Variants in AHNAK2 observed in about 807,000 individuals in gnomAD.
AHNAK2 encodes the protein protein AHNAK2.
AHNAK2 carries 18 observed loss-of-function variants against 30.7 expected under a neutral mutation model. The observed-to-expected ratio is 0.59, with a 90% CI of 0.41 to 0.87. The LOEUF is 0.87. Among genes scored for constraint, AHNAK2 ranks in the 40% least tolerant of loss-of-function variants. AHNAK2 has a pLI of 0.00. For missense variants in AHNAK2, 8,604 were observed against 7,373.0 expected, an observed-to-expected ratio of 1.17 and a Z score of -6.11; for synonymous variants, 3,590 against 3,073.8, an observed-to-expected ratio of 1.17 and a Z score of -5.56.
chr14:104,945,244 T>G lies in AHNAK2; in HGVS notation c.10207A>C (p.Lys3403Gln). 1 of 1,612,758 alleles carries G rather than the reference T, an allele frequency of 6.2e-7. No individual in the cohort carries two copies. The highest frequency in any genetic ancestry group is 1.7e-5 in the Admixed American group (1 of 59,914). The change falls in exon 7 of 7, where the codon AAA becomes CAA. Residue 3403 changes from lysine to glutamine, a missense_variant. By Grantham distance (53) the Lys-to-Gln change is moderately conservative (BLOSUM62 1). Coordinates refer to ENST00000333244, the MANE Select transcript of AHNAK2 (RefSeq NM_138420.4). ...KVEMPSFKMP[K>Q]VDLKSPQVDI... ...ACCTGGGGGCTCTTGAGGTCCACTTTGGGCATCTTGAAACTGGGCATCTCC... is the reference window on the plus strand; with the variant it reads ...ACCTGGGGGCTCTTGAGGTCCACTTGGGGCATCTTGAAACTGGGCATCTCC...
rs1424551536 is a variant in AHNAK2, at chr14:104,957,686, G to A, written c.56-14C>T. ...GACGGCCGGACACTGCAGAGAGAGT[G>A]GCTGTCAGTGGAGACAAGCAGGCTG... is the stretch of plus-strand genomic sequence containing the variant. On this transcript the variant is annotated splice_polypyrimidine_tract_variant and intron_variant, in intron 1 of 6. Coordinates refer to ENST00000333244, the MANE Select transcript of AHNAK2 (RefSeq NM_138420.4). 1 of 1,606,270 alleles carries A rather than the reference G, an allele frequency of 6.2e-7. No homozygotes were observed. Among genetic ancestry groups the A allele is most frequent in the Non-Finnish European group, 8.5e-7 (1 of 1,177,162 alleles).
chr14:104,938,175 T>C lies in AHNAK2; in HGVS notation c.17276A>G (p.Asp5759Gly). 1 of 1,613,864 alleles carries C rather than the reference T, an allele frequency of 6.2e-7. No homozygotes were observed. The highest frequency in any genetic ancestry group is 8.5e-7 in the Non-Finnish European group (1 of 1,179,882). Residue 5759 changes from aspartate (D) to glycine (G), a missense_variant, in exon 7 of 7, where the codon GAC becomes GGC. Asp to Gly is a moderately conservative substitution (Grantham distance 94). Coordinates refer to ENST00000333244, the MANE Select transcript of AHNAK2 (RefSeq NM_138420.4). ...CGCGGATGTCACCATCACTCTGGAGTCCAGCCCAGTGCCCACAGGCCCGAT... is the reference window on the plus strand; with the variant it reads ...CGCGGATGTCACCATCACTCTGGAGCCCAGCCCAGTGCCCACAGGCCCGAT... ...ELIGPVGTGL[D>G]SRVMVTSAAR...
intron 1 of AHNAK2, among the ~76,000 whole-genome samples, chr14:104,967,295 A>C (rs922965657): frequency 6.6e-6 from 1 of 152,090 alleles, no homozygotes; most frequent in Admixed American, 6.5e-5. Context: ...AGAAAGGGTC[A>C]GGAGGGCAAC....
Position 104,954,952 on chromosome 14 carries a change from C to A in AHNAK2, c.651+5G>T. The A allele has an allele frequency of 6.2e-7, 1 of 1,609,528 alleles. No individual in the cohort carries two copies. Among genetic ancestry groups the A allele is most frequent in the South Asian group, 1.1e-5 (1 of 90,784 alleles). On this transcript the variant is annotated splice_donor_5th_base_variant and intron_variant, in intron 6 of 6. Transcript: ENST00000333244. The surrounding 1 kb of genome is among the most constrained non-coding windows in gnomAD (Gnocchi z 4.3). The stretch of plus-strand genomic sequence containing the variant: ...GGCCCTGCCCCCCGGGCATAGTGGT[C>A]TCACCTCCTTCTCCTTGCCCTGTGG...
chr14:104,949,081 G>T lies in AHNAK2; in HGVS notation c.6370C>A (p.Gln2124Lys), dbSNP rs376766688. The T allele has an allele frequency of 7.5e-6, 8 of 1,066,516 alleles. 3 individuals carry two copies. In the Admixed American group the frequency reaches 1.3e-4, roughly 17 times the overall value. 66.1% of individuals were successfully genotyped at this position (1,066,516 alleles called of 1,614,324 possible). The change falls in exon 7 of 7, where the codon CAG becomes AAG. Residue 2124 changes from glutamine to lysine, a missense_variant. Physicochemically the swap from Gln to Lys is moderately conservative, Grantham distance 53. Coordinates refer to ENST00000333244, the MANE Select transcript of AHNAK2 (RefSeq NM_138420.4). ...VSLPSMEVDV[Q>K]APRAKLDSAH... is the part of the protein sequence containing the mutation. ...CTATCCAGCTTGGCTCTTGGGGCCT[G>T]GACGTCCACCTCCATGCTGGGCAGA... is the stretch of plus-strand genomic sequence containing the variant.
In AHNAK2 at chr14:104,950,337, T is replaced by C. The variant is rs1247683963; in HGVS notation, c.5114A>G (p.Asp1705Gly). Residue 1705 changes from aspartate (D) to glycine (G), a missense_variant, in exon 7 of 7, where the codon GAC (aspartate) becomes GGC (glycine). Physicochemically the swap from Asp to Gly is moderately conservative, Grantham distance 94. Coordinates refer to ENST00000333244, the MANE Select transcript of AHNAK2 (RefSeq NM_138420.4). Reference protein sequence around the residue: ...PSMQGDLKTTDLSIQSPSADL... With the variant: ...PSMQGDLKTTGLSIQSPSADL... Reference sequence around the variant, plus strand: ...GGCGGAAGGGGACTGAATGCTGAGGTCAGTGGTCTTCAGGTCCCCCTGCAT... The same window carrying C: ...GGCGGAAGGGGACTGAATGCTGAGGCCAGTGGTCTTCAGGTCCCCCTGCAT... 6.9e-6 allele frequency: 11 copies of C among 1,584,514 alleles called. 1 individual carries two copies. The highest frequency in any genetic ancestry group is 9.5e-6 in the Non-Finnish European group (11 of 1,162,140).
At chr14:104,958,396 C>T (rs911098694) in intron 1 of AHNAK2, among the ~76,000 whole-genome samples, 8 of 151,686 alleles carry the variant, frequency 5.3e-5, no homozygotes, top group Non-Finnish European at 8.8e-5. Flanking sequence ...TGTGGTGAGC[C>T]GAGATTGTGC....
At chr14:104,965,165 C>T (rs751803951) in intron 1 of AHNAK2, among the ~76,000 whole-genome samples, 57 of 152,242 alleles carry the variant, frequency 3.7e-4, no homozygotes, top group Non-Finnish European at 7.3e-4. Context: ...AAAGATAGGA[C>T]GGACGCCCCG....
intron 5 of AHNAK2, 99 bp downstream of exon 5, chr14:104,955,384 A>T (rs1898940584): frequency 6.8e-7 from 1 of 1,480,408 alleles, no homozygotes; most frequent in Admixed American, 2.2e-5. Context: ...AGGTCATCCT[A>T]AGCTCCAGGT....
rs1363245721 is a variant in AHNAK2 at position 104,954,627 on chromosome 14, G to T, written c.824C>A (p.Pro275His). ...QSIKSKRGPG[P>H]QRSHSSSEAY... ...CTCTGACGAGCTGTGTGACCTCTGGGGTCCCGGCCCCCGCTTGCTCTTTAT... is the reference window on the plus strand; with the variant it reads ...CTCTGACGAGCTGTGTGACCTCTGGTGTCCCGGCCCCCGCTTGCTCTTTAT... Residue 275 changes from proline to histidine, a missense_variant, in exon 7 of 7, where the codon CCC (proline) becomes CAC (histidine). Coordinates refer to ENST00000333244, the MANE Select transcript of AHNAK2 (RefSeq NM_138420.4). The surrounding 1 kb of genome is among the most constrained non-coding windows in gnomAD (Gnocchi z 4.3). 2 of 1,612,462 alleles carry T rather than the reference G, an allele frequency of 1.2e-6. No homozygotes were observed. The highest frequency in any genetic ancestry group is 1.7e-6 in the Non-Finnish European group (2 of 1,179,658).
rs1161418591 is a variant in AHNAK2 at position 104,950,607 on chromosome 14, G to C, written c.4844C>G (p.Pro1615Arg). 33 of 1,586,802 alleles carry C rather than the reference G, an allele frequency of 2.1e-5. No homozygotes were observed. Among genetic ancestry groups the C allele is most frequent in the Non-Finnish European group, 2.8e-5 (33 of 1,162,764 alleles). ...GCTGGACAGAGACATCTTCACATCG[G>C]GGGCTGTCACTTCCACCTTGGGGCC... ...LKGPKVEVTA[P>R]DVKMSLSSME... The change falls in exon 7 of 7, where the codon CCC (proline) becomes CGC (arginine). Residue 1615 changes from proline to arginine, a missense_variant. Pro to Arg is a moderately radical substitution (Grantham distance 103, BLOSUM62 -2). Transcript: ENST00000333244.
chr14:104,950,790 G>A lies in AHNAK2; in HGVS notation c.4661C>T (p.Ala1554Val). The change falls in exon 7 of 7, where the codon GCT becomes GTT. Residue 1554 changes from alanine (A) to valine (V), a missense_variant. Transcript: ENST00000333244. ...TGGGAGTTTCACGTCCACTTGGCCA[G>A]CCTGGACCTCCAGGTCAGCAGAAGG... ...QPPSADLEVQ[A>V]GQVDVKLPEG... is the part of the protein sequence containing the mutation. The A allele has an allele frequency of 6.3e-7, 1 of 1,587,136 alleles. No individual in the cohort carries two copies. Among genetic ancestry groups the A allele is most frequent in the Non-Finnish European group, 8.6e-7 (1 of 1,162,544 alleles).
Position 104,951,053 on chromosome 14 carries a change from TG to T in AHNAK2, c.4397del (p.Pro1466GlnfsTer21), listed in dbSNP as rs1566915231. On this transcript the variant is annotated frameshift_variant, in exon 7 of 7. Transcript: ENST00000333244. LOFTEE classifies it low-confidence loss of function (END_TRUNC). Reference protein sequence around the residue: ...LPSVEVDVEAPGAKLDGGRLE... With the variant: ...LPSVEVDVEAXGAKLDGGRLE... Reference sequence around the variant, plus strand: ...GCCGTCCACCATCCAGCTTGGCTCCTGGGGCCTCGACATCCACCTCCACGCT... The same window carrying T: ...GCCGTCCACCATCCAGCTTGGCTCCTGGGCCTCGACATCCACCTCCACGCT... 1 of 1,060,454 alleles carries T rather than the reference TG, an allele frequency of 9.4e-7. No individual in the cohort carries two copies. The highest frequency in any genetic ancestry group is 1.5e-5 in the African/African-American group (1 of 68,604). The allele number at this position is 1,060,454 out of a possible 1,614,324, so 65.7% of individuals were successfully genotyped here.
chr14:104,960,290 G>C (rs1340833847), intron 1 of AHNAK2, among the ~76,000 whole-genome samples: 1 of 152,104 alleles, frequency 6.6e-6, no homozygotes, highest in Non-Finnish European at 1.5e-5. Context: ...ATGAAACTTG[G>C]GTCAAAAATG....
Position 104,944,057 on chromosome 14 carries a change from G to A in AHNAK2, c.11394C>T (p.Ala3798=), listed in dbSNP as rs940495392. The change falls in exon 7 of 7, where the codon GCC becomes GCT. Residue 3798 remains alanine, a synonymous_variant. Transcript: ENST00000333244. The stretch of plus-strand genomic sequence containing the variant: ...TGGGCATTTTGAATTTGCTGTCTTT[G>A]GCAGTCACATCCTTGTCGGCCAGGG... ...DLSLADKDVT[A]KDSKFKMPKF... 5 of 1,612,952 alleles carry A rather than the reference G, an allele frequency of 3.1e-6. No homozygotes were observed. In the African/African-American group the frequency reaches 5.4e-5, roughly 17 times the overall value.
chr14:104,946,952 C>T lies in AHNAK2; in HGVS notation c.8499G>A (p.Glu2833=), dbSNP rs201255932. The change falls in exon 7 of 7, where the codon GAG becomes GAA. Residue 2833 remains glutamate (E), a synonymous_variant. Coordinates refer to ENST00000333244, the MANE Select transcript of AHNAK2 (RefSeq NM_138420.4). The part of the protein sequence containing the change: ...FGVSAPGKSI[E]ASVDVSELKV... ...TCAGCTCAGACACATCCACCGAGGC[C>T]TCGATGGACTTGCCTGGGGCCGACA... 3.5e-5 allele frequency: 56 copies of T among 1,612,840 alleles called. No individual in the cohort carries two copies. Among genetic ancestry groups the T allele is most frequent in the Admixed American group, 1.7e-5 (1 of 59,908 alleles).
chr14:104,955,337 T>G (rs1382048060), intron 5 of AHNAK2, 146 bp downstream of exon 5: 1 of 1,335,848 alleles, frequency 7.5e-7, no homozygotes, highest in Non-Finnish European at 1.0e-6. Flanking sequence ...ATGCAGTGGG[T>G]GATCCCAGCC....
At position 104,941,906 on chromosome 14, in the gene AHNAK2, G is replaced by A. The variant is rs1470017730; in HGVS notation, c.13545C>T (p.Ala4515=). 1 of 1,613,484 alleles carries A rather than the reference G, an allele frequency of 6.2e-7. No homozygotes were observed. The highest frequency in any genetic ancestry group is 1.1e-5 in the South Asian group (1 of 91,054). Residue 4515 remains alanine, a synonymous_variant, in exon 7 of 7, where the codon GCC becomes GCT. Transcript: ENST00000333244. ...CCTGGACCTCCAGGTCGGCGGAAGG[G>A]GCCTGAATGCGGAGGTCAGTGGTCT... ...DLKTTDLRIQ[A]PSADLEVQAG...
At chr14:104,961,247 G>T (rs1403854609) in intron 1 of AHNAK2, among the ~76,000 whole-genome samples, 1 of 152,096 alleles carries the variant, frequency 6.6e-6, no homozygotes, top group African/African-American at 2.4e-5. Context: ...GGGCACGGTG[G>T]CTCACGCCTG....
Sources: gnomAD v4.1 joint callset for allele counts (sites outside exome capture counted in the v4.1 genomes callset) on GRCh38, gnomAD v4.1.1 for gene constraint, Gnocchi (gnomAD v3.1) non-coding constraint, MANE v1.5 for transcripts, NCBI Gene and HGNC (gene_info 2026-07-23, HGNC 2026-07-21) for gene names.